IER3IP1: variants seen among roughly 807,000 people sequenced by gnomAD.
IER3IP1 encodes immediate early response 3 interacting protein 1.
Under a neutral mutation model 12.2 loss-of-function variants are expected in IER3IP1, and 16 were observed. The observed-to-expected ratio is 1.31, with a 90% CI of 0.89 to 1.99. IER3IP1 has a LOEUF of 1.99. Among genes scored for constraint, IER3IP1 ranks in the 30% most tolerant of loss-of-function variants. The probability of loss-of-function intolerance (pLI) is 0.00; values close to 1 mark genes in which losing one functional copy is unlikely to be tolerated. For missense variants in IER3IP1, 95 were observed against 95.8 expected (o/e 0.99, Z 0.03); for synonymous variants, 42 against 40.0 (o/e 1.05, Z -0.19).
chr18:47,157,088 A>T (rs1416155361), intron 2 of IER3IP1: 3 of 234,640 alleles, frequency 1.3e-5, no homozygotes, highest in African/African-American at 2.3e-5. Context: ...CAACACGCCC[A>T]GCTTTCTCTT....
chr18:47,167,889 C>T (rs1365821368), intron 1 of IER3IP1, among the ~76,000 whole-genome samples: 4 of 151,762 alleles, frequency 2.6e-5, no homozygotes, highest in African/African-American at 4.8e-5. Flanking sequence ...TTTAGGAAGC[C>T]GACGCGGGTG....
intron 1 of IER3IP1, among the ~76,000 whole-genome samples, chr18:47,159,430 A>C (rs116216870): frequency 4.0e-4 from 61 of 152,358 alleles, no homozygotes; most frequent in African/African-American, 1.3e-3. Context: ...CCTAAACACA[A>C]AGTCAACACT....
intron 1 of IER3IP1, among the ~76,000 whole-genome samples, chr18:47,161,378 C>T (rs1011118076): frequency 5.9e-5 from 9 of 152,278 alleles, no homozygotes; most frequent in African/African-American, 1.9e-4. Context: ...ACAGGGGTTT[C>T]GTTCTTTTTT....
rs1320428357 is a variant in IER3IP1 at position 47,156,243 on chromosome 18, A to G, written c.194-11T>C. On this transcript the variant is annotated splice_polypyrimidine_tract_variant and intron_variant, in intron 2 of 2. Coordinates refer to ENST00000256433, the MANE Select transcript of IER3IP1 (RefSeq NM_016097.5). ...CTATTATCAATGGCACTGTAAAGAG[A>G]AAAAAAAAAGTTTGTTACTATAAAG... 7.3e-7 allele frequency: 1 copy of G among 1,361,258 alleles called. No individual in the cohort carries two copies. Among genetic ancestry groups the G allele is most frequent in the Non-Finnish European group, 1.0e-6 (1 of 976,444 alleles). The allele number at this position is 1,361,258 out of a possible 1,614,324, so 84.3% of individuals were successfully genotyped here. A position where few individuals can be genotyped will look rare whatever the true frequency, so the allele number is the denominator to read the frequency against.
Position 47,172,386 on chromosome 18 carries a change from T to C in IER3IP1, c.91+3801A>G, listed in dbSNP as rs1600002833. Among the ~76,000 whole-genome samples the C allele has an allele frequency of 1.3e-5, 2 of 152,358 alleles. No individual in the cohort carries two copies. The highest frequency in any genetic ancestry group is 4.8e-5 in the African/African-American group (2 of 41,592). ...ATCTGGATTTTACCCACTGCTGTAA[T>C]TGCTCTTATAAAATCACCAATGACC... On this transcript the variant is annotated intron_variant, in intron 1 of 2. Transcript: ENST00000256433. This position sits in a 1 kb window ranked among gnomAD's most constrained non-coding sequence, Gnocchi z 4.0.
intron 1 of IER3IP1, among the ~76,000 whole-genome samples, chr18:47,160,600 G>A (rs1239319491): frequency 1.3e-5 from 2 of 152,150 alleles, no homozygotes; most frequent in South Asian, 2.1e-4. Flanking sequence ...CTAACATGAT[G>A]CACCTAACAT....
rs1297597573 is a variant in IER3IP1 at position 47,172,122 on chromosome 18, C to T, written c.91+4065G>A. Among the ~76,000 whole-genome samples the T allele has an allele frequency of 6.6e-6, 1 of 152,032 alleles. No individual in the cohort carries two copies. The highest frequency in any genetic ancestry group is 2.1e-4 in the South Asian group (1 of 4,814). ...TCTTAGAAAACATTTTGTGTATATG[C>T]CTCACTGATCATCCCCTCCTCCACT... is the stretch of plus-strand genomic sequence containing the variant. On this transcript the variant is annotated intron_variant, in intron 1 of 2. Transcript: ENST00000256433. This position sits in a 1 kb window ranked among gnomAD's most constrained non-coding sequence, Gnocchi z 4.0.
intron 1 of IER3IP1, among the ~76,000 whole-genome samples, chr18:47,174,031 ACT>A (rs1347683937): frequency 6.6e-6 from 1 of 151,924 alleles, no homozygotes; most frequent in African/African-American, 2.4e-5. Context: ...ATCTGCAAAG[ACT>A]CTGTTTCCAA....
At chr18:47,166,190 T>C (rs2063995398) in intron 1 of IER3IP1, among the ~76,000 whole-genome samples, 1 of 152,202 alleles carries the variant, frequency 6.6e-6, no homozygotes, top group South Asian at 2.1e-4. Context: ...TGTCAAAATA[T>C]TGGCTAAATT....
rs12968552 is a variant in IER3IP1, at chr18:47,176,131, A to C, written c.91+56T>G. 0.57 allele frequency: 826,528 copies of C among 1,446,262 alleles called. 239,007 individuals are homozygous for C. Among genetic ancestry groups the C allele is most frequent in the Non-Finnish European group, 0.59 (625,474 of 1,056,530 alleles). The allele number at this position is 1,446,262 out of a possible 1,614,324, so 89.6% of individuals were successfully genotyped here. ...TCCCCTCACGCGGCCCCATTAGGTT[A>C]CGCGCCCCCGGGGACTCCGCCGCCG... On this transcript the variant is annotated intron_variant, in intron 1 of 2. Transcript: ENST00000256433.
intron 1 of IER3IP1, among the ~76,000 whole-genome samples, chr18:47,162,683 A>G (rs2063983552): frequency 6.6e-6 from 1 of 151,348 alleles, no homozygotes; most frequent in East Asian, 1.9e-4. Context: ...AAAAAGAAAG[A>G]AAAAAAAAGA....
intron 1 of IER3IP1, among the ~76,000 whole-genome samples, chr18:47,159,918 G>A (rs1026009138): frequency 3.1e-4 from 47 of 151,682 alleles, no homozygotes; most frequent in African/African-American, 9.4e-4. Context: ...ATCCTTGGCC[G>A]GGCGCGGTGG....
intron 1 of IER3IP1, among the ~76,000 whole-genome samples, chr18:47,164,934 G>A (rs1275116492): frequency 6.6e-6 from 1 of 152,176 alleles, no homozygotes; most frequent in Non-Finnish European, 1.5e-5. Flanking sequence ...AAAAGTTACT[G>A]ACTGCAACCA....
In IER3IP1 at chr18:47,156,491, C is replaced by T. The variant is rs565040894; in HGVS notation, c.194-259G>A. Among the ~76,000 whole-genome samples the T allele has an allele frequency of 2.0e-5, 3 of 152,224 alleles. No homozygotes were observed. The South Asian group carries it at 6.2e-4, about 32-fold the overall frequency. ...TCAATGTGAAACATCTGTGGATAGT[C>T]CCGGTGCAACCCCAAGAACATGAGT... On this transcript the variant is annotated intron_variant, in intron 2 of 2. Coordinates refer to ENST00000256433, the MANE Select transcript of IER3IP1 (RefSeq NM_016097.5).
intron 1 of IER3IP1, among the ~76,000 whole-genome samples, chr18:47,166,415 G>A (rs554771568): frequency 5.3e-5 from 8 of 152,164 alleles, no homozygotes; most frequent in African/African-American, 1.7e-4. Context: ...AATGCCAGAG[G>A]TAGGTCTTAA....
rs1359868933 is a variant in IER3IP1, at chr18:47,154,540, T to G, written c.*1637A>C. On this transcript the variant is annotated 3_prime_UTR_variant, in exon 3 of 3. Coordinates refer to ENST00000256433, the MANE Select transcript of IER3IP1 (RefSeq NM_016097.5). Reference sequence around the variant, plus strand: ...TTTTCTTTCATTTTAAAAAATTTTGTACTGCTCATACCATATGGGGAAATG... The same window carrying G: ...TTTTCTTTCATTTTAAAAAATTTTGGACTGCTCATACCATATGGGGAAATG... The G allele has an allele frequency of 1.3e-5, 2 of 152,250 alleles. No individual in the cohort carries two copies. The highest frequency in any genetic ancestry group is 4.8e-5 in the African/African-American group (2 of 41,472). The allele number at this position is 152,250 out of a possible 1,614,324, so 9.4% of individuals were successfully genotyped here.
intron 1 of IER3IP1, among the ~76,000 whole-genome samples, chr18:47,159,803 TCAGA>T (rs1172673889): frequency 6.6e-6 from 1 of 152,092 alleles, no homozygotes; most frequent in East Asian, 1.9e-4. Flanking sequence ...ATGGCTCTCC[TCAGA>T]CAAAATGTTC....
At chr18:47,169,876 A>C (rs1247852095) in intron 1 of IER3IP1, among the ~76,000 whole-genome samples, 2 of 152,080 alleles carry the variant, frequency 1.3e-5, no homozygotes, top group African/African-American at 4.8e-5. Context: ...CTGAGTTGTA[A>C]ATATTTTATC....
intron 1 of IER3IP1, among the ~76,000 whole-genome samples, chr18:47,158,713 C>G (rs2063969718): frequency 6.6e-6 from 1 of 151,804 alleles, no homozygotes; most frequent in South Asian, 2.1e-4. Context: ...ATAATTCCAG[C>G]ACTTTGGGAG....
Sources: allele counts gnomAD v4.1 joint callset (sites outside exome capture counted in the v4.1 genomes callset), GRCh38; gene constraint gnomAD v4.1.1; non-coding constraint Gnocchi (gnomAD v3.1); transcripts MANE v1.5; gene names NCBI Gene and HGNC (gene_info 2026-07-23, HGNC 2026-07-21).